The following SUGCT variants were observed in gnomAD, a reference collection of about 807,000 sequenced individuals.
The protein encoded by SUGCT is succinyl-CoA:glutarate CoA-transferase.
In SUGCT, 41 loss-of-function variants were observed where a neutral mutation model predicts 55.0. The observed-to-expected ratio is 0.74, with a 90% CI of 0.58 to 0.97. The LOEUF (loss-of-function observed/expected upper bound fraction) is 0.97, where lower values mean the gene tolerates loss of function less well. Ranked by LOEUF, SUGCT falls within the 50% of genes least tolerant of loss-of-function variation. The probability of loss-of-function intolerance (pLI) is 0.00; values close to 1 mark genes in which losing one functional copy is unlikely to be tolerated. For synonymous variants in SUGCT, 187 were observed against 200.4 expected (o/e 0.93, Z 0.56); for missense variants, 568 against 547.8 (o/e 1.04, Z -0.37).
chr7:40,783,494 A>G (rs1584435280), intron 13 of SUGCT: 1 of 152,112 alleles, frequency 6.6e-6, no homozygotes, highest in Admixed American at 6.5e-5. Context: ...AAGTAAAACT[A>G]ATTTTGTTCC....
chr7:40,738,932 T>C lies in SUGCT; in HGVS notation c.1090-10502T>C, dbSNP rs528423660. Among the ~76,000 whole-genome samples the C allele has an allele frequency of 4.6e-5, 7 of 152,294 alleles. No homozygotes were observed. The South Asian group carries it at 1.4e-3, about 32-fold the overall frequency. ...TTAGGAACAAGATAAAAATGTTTTC[T>C]ACTAAAACTCTATTCATCAATATAT... On this transcript the variant is annotated intron_variant, in intron 12 of 13. Transcript: ENST00000335693.
At chr7:40,932,726 A>G in the SUGCT span, among the ~76,000 whole-genome samples, 1 of 148,158 alleles carries the variant, frequency 6.7e-6, no homozygotes, top group African/African-American at 2.5e-5. Flanking sequence ...AGTCTGCTTT[A>G]TCAGAGACTA....
chr7:40,886,019 T>A, the SUGCT span, among the ~76,000 whole-genome samples: 1 of 152,202 alleles, frequency 6.6e-6, no homozygotes, highest in Non-Finnish European at 1.5e-5. Context: ...ACCACTCTAT[T>A]AACAGTGTGT....
chr7:41,034,988 A>G, the SUGCT span, among the ~76,000 whole-genome samples: 2 of 152,212 alleles, frequency 1.3e-5, no homozygotes. Context: ...TCTGCCCCAC[A>G]GGCTGGCCAA....
chr7:40,278,703 T>C (rs938053842), intron 8 of SUGCT, among the ~76,000 whole-genome samples: 4 of 152,052 alleles, frequency 2.6e-5, no homozygotes, highest in African/African-American at 9.7e-5. Flanking sequence ...TTCTCTCTCA[T>C]CTTTCTTTAC....
chr7:40,262,733 T>G (rs1791309820), intron 7 of SUGCT, among the ~76,000 whole-genome samples: 1 of 152,068 alleles, frequency 6.6e-6, no homozygotes, highest in Non-Finnish European at 1.5e-5. Flanking sequence ...AAATGACAAA[T>G]TAACTCACAC....
intron 9 of SUGCT, among the ~76,000 whole-genome samples, chr7:40,403,020 C>T (rs566188689): frequency 6.6e-6 from 1 of 152,294 alleles, no homozygotes; most frequent in South Asian, 2.1e-4. Context: ...TGCACAGGGG[C>T]ATTGTCTGGT....
intron 9 of SUGCT, among the ~76,000 whole-genome samples, chr7:40,320,340 A>C (rs748961759): frequency 6.6e-6 from 1 of 152,062 alleles, no homozygotes; most frequent in Non-Finnish European, 1.5e-5. Flanking sequence ...GCCTGACCTC[A>C]AGTGATCTGG....
intron 11 of SUGCT, among the ~76,000 whole-genome samples, chr7:40,476,028 C>T (rs10248808): frequency 0.12 from 17,957 of 152,006 alleles, 2,559 homozygotes; most frequent in African/African-American, 0.34. Flanking sequence ...TTCTGGGGCT[C>T]GTACTGTCTC....
rs566974727 is a variant in SUGCT, at chr7:40,360,180, AT to A, written c.816+43330del. ...AGGCACCCGCCACCACACCTGGCTA[AT>A]TTTTGTATTTTTAGTAGAGGCAGGG... On this transcript the variant is annotated intron_variant, in intron 9 of 13. Coordinates refer to ENST00000335693, the MANE Select transcript of SUGCT (RefSeq NM_001193313.2). 3.9e-5 allele frequency among the ~76,000 whole-genome samples: 6 copies of A among 152,224 alleles called. No homozygotes were observed. The South Asian group carries it at 1.2e-3, about 32-fold the overall frequency.
the SUGCT span, among the ~76,000 whole-genome samples, chr7:40,881,013 T>C: frequency 6.6e-6 from 1 of 152,220 alleles, no homozygotes; most frequent in Admixed American, 6.5e-5. Flanking sequence ...CACACCAATG[T>C]AGAATATAAA....
chr7:40,390,312 C>T (rs531990042), intron 9 of SUGCT, among the ~76,000 whole-genome samples: 6 of 151,928 alleles, frequency 3.9e-5, no homozygotes, highest in East Asian at 3.9e-4. Flanking sequence ...AAGAAATAAA[C>T]GGTATTCAAT....
intron 7 of SUGCT, among the ~76,000 whole-genome samples, chr7:40,264,282 G>C (rs1791414192): frequency 1.3e-5 from 2 of 152,170 alleles, no homozygotes; most frequent in African/African-American, 4.8e-5. Context: ...ATAAGTAATA[G>C]ACTTTGTTAT....
intron 13 of SUGCT, among the ~76,000 whole-genome samples, chr7:40,830,488 TCC>T (rs760876737): frequency 2.0e-5 from 3 of 152,142 alleles, no homozygotes; most frequent in Non-Finnish European, 2.9e-5. Flanking sequence ...CTCTGATTAT[TCC>T]CTCTTCTTAG....
At position 40,502,836 on chromosome 7, in the gene SUGCT, C is replaced by G. The variant is rs116539000; in HGVS notation, c.1089+6450C>G. 2.6e-3 allele frequency among the ~76,000 whole-genome samples: 390 copies of G among 152,144 alleles called. 1 individual carries two copies. The highest frequency in any genetic ancestry group is 9.1e-3 in the African/African-American group (379 of 41,538). ...TATTTTAATTTTCATTTGTTAGCCT[C>G]CAACTAAATTTAACATATAATTTTA... On this transcript the variant is annotated intron_variant, in intron 12 of 13. Coordinates refer to ENST00000335693, the MANE Select transcript of SUGCT (RefSeq NM_001193313.2).
intron 12 of SUGCT, among the ~76,000 whole-genome samples, chr7:40,660,231 A>G (rs2151852927): frequency 6.6e-6 from 1 of 152,238 alleles, no homozygotes; most frequent in Middle Eastern, 3.4e-3. Flanking sequence ...AGCCAGTGAA[A>G]TGGGGTAAGG....
chr7:40,318,712 C>A (rs1261807326), intron 9 of SUGCT, among the ~76,000 whole-genome samples: 2 of 152,268 alleles, frequency 1.3e-5, no homozygotes, highest in Admixed American at 6.5e-5. Flanking sequence ...ACTGGGATTA[C>A]AGGCATGAGC....
At chr7:40,313,729 C>T (rs1197360472) in intron 8 of SUGCT, among the ~76,000 whole-genome samples, 1 of 151,324 alleles carries the variant, frequency 6.6e-6, no homozygotes, top group Non-Finnish European at 1.5e-5. Context: ...TCCCCAGGCT[C>T]AGGTGATCCC....
intron 9 of SUGCT, among the ~76,000 whole-genome samples, chr7:40,449,029 C>T (rs184452625): frequency 5.4e-5 from 8 of 148,604 alleles, no homozygotes; most frequent in Non-Finnish European, 8.9e-5. Flanking sequence ...GGAAATATTC[C>T]GTCTGTGCTG....
Sources: gnomAD v4.1 joint callset for allele counts (sites outside exome capture counted in the v4.1 genomes callset) on GRCh38, gnomAD v4.1.1 for gene constraint, MANE v1.5 for transcripts, NCBI Gene and HGNC (gene_info 2026-07-23, HGNC 2026-07-21) for gene names.